EPG5: variants seen among roughly 807,000 people sequenced by gnomAD.
EPG5 encodes the protein ectopic P-granules 5 autophagy tethering factor, also known as ectopic P granules protein 5 homolog.
Under a neutral mutation model 302.7 loss-of-function variants are expected in EPG5, and 159 were observed. That is an observed-to-expected ratio of 0.53 (90% CI 0.46 to 0.60). The LOEUF (loss-of-function observed/expected upper bound fraction) is 0.60, where lower values mean the gene tolerates loss of function less well. Ranked by LOEUF, EPG5 falls within the 20% of genes least tolerant of loss-of-function variation. The pLI is 0.00. For missense variants in EPG5, 2,896 were observed against 3,092.4 expected (o/e 0.94, Z 1.51); for synonymous variants, 1,158 against 1,136.8 (o/e 1.02, Z -0.37).
the EPG5 span, chr18:45,842,079 G>C: frequency 6.2e-7 from 1 of 1,610,938 alleles, no homozygotes; most frequent in Non-Finnish European, 8.5e-7. Context: ...CTGTTTGGAT[G>C]ATCATTCAAC....
chr18:45,946,677 C>T lies in EPG5; in HGVS notation c.1663G>A (p.Glu555Lys), dbSNP rs1229414685. ...PGSGTWTLVD[E>K]GGEEDEDPET... ...TGACAAGTTACCTCTTCTCCTCCTTCGTCTACTAGCGTCCAAGTCCCAGAC... is the reference window on the plus strand; with the variant it reads ...TGACAAGTTACCTCTTCTCCTCCTTTGTCTACTAGCGTCCAAGTCCCAGAC... The change falls in exon 7 of 44, where the codon GAA becomes AAA. Residue 555 changes from glutamate to lysine, a missense_variant. Physicochemically the swap from Glu to Lys is moderately conservative, Grantham distance 56. This residue lies in a region of EPG5 where 1,390 missense variants were observed against 1,430.0 expected (regional missense o/e 0.97). Coordinates refer to ENST00000282041, the MANE Select transcript of EPG5 (RefSeq NM_020964.3). The T allele has an allele frequency of 5.0e-6, 8 of 1,613,628 alleles. No homozygotes were observed. Among genetic ancestry groups the T allele is most frequent in the African/African-American group, 1.3e-5 (1 of 75,038 alleles).
rs199832672 is a variant in EPG5, at chr18:45,899,443, G to A, written c.4770C>T (p.Ser1590=). 41 of 1,613,926 alleles carry A rather than the reference G, an allele frequency of 2.5e-5. No individual in the cohort carries two copies. The East Asian group carries it at 4.0e-4, about 16-fold the overall frequency. The change falls in exon 27 of 44, where the codon AGC becomes AGT. Residue 1590 remains serine, a synonymous_variant. Transcript: ENST00000282041. ...TTLHLECRGS[S]GKKCQGAAVV... ...CTGCGGCTCCTTGGCATTTCTTACC[G>A]CTGCTGCCTCTGCACTCCAAATGTA...
At chr18:45,942,534 C>T (rs1379790555) in intron 9 of EPG5, among the ~76,000 whole-genome samples, 2 of 151,968 alleles carry the variant, frequency 1.3e-5, no homozygotes, top group African/African-American at 2.4e-5. Context: ...ACCCAGGAGG[C>T]GTGGGCTGCA....
the EPG5 span, among the ~76,000 whole-genome samples, chr18:45,838,356 C>A: frequency 1.3e-5 from 2 of 152,178 alleles, no homozygotes; most frequent in Non-Finnish European, 2.9e-5. Context: ...GAACCAGGGT[C>A]CCGTCCCTAG....
rs531434592 is a variant in EPG5 at position 45,927,962 on chromosome 18, G to C, written c.2553+907C>G. Among the ~76,000 whole-genome samples the C allele has an allele frequency of 1.6e-4, 25 of 152,262 alleles. No individual in the cohort carries two copies. The South Asian group carries it at 5.0e-3, about 30-fold the overall frequency. ...TAATCCCAGCACTTTGGGAGACCGAGGTGGGTGGATCACCTGAGGTTAGGA... is the reference window on the plus strand; with the variant it reads ...TAATCCCAGCACTTTGGGAGACCGACGTGGGTGGATCACCTGAGGTTAGGA... On this transcript the variant is annotated intron_variant, in intron 13 of 43. Coordinates refer to ENST00000282041, the MANE Select transcript of EPG5 (RefSeq NM_020964.3).
intron 29 of EPG5, 144 bp downstream of exon 29, chr18:45,887,607 G>T: frequency 1.8e-6 from 1 of 561,068 alleles, no homozygotes; most frequent in Non-Finnish European, 2.8e-6. Flanking sequence ...ATTTTGAGAA[G>T]CCTACAACTC....
At chr18:45,864,181 T>C (rs1312586659) in intron 39 of EPG5, among the ~76,000 whole-genome samples, 1 of 152,144 alleles carries the variant, frequency 6.6e-6, no homozygotes, top group Non-Finnish European at 1.5e-5. Context: ...GACACAATCA[T>C]TGCACACTGT....
intron 35 of EPG5, among the ~76,000 whole-genome samples, chr18:45,874,657 C>T (rs904537454): frequency 2.6e-5 from 4 of 152,146 alleles, no homozygotes; most frequent in African/African-American, 9.7e-5. Flanking sequence ...TGAGGGAAAC[C>T]GCCCCCATGA....
intron 2 of EPG5, chr18:45,953,695 T>C: frequency 1.0e-6 from 1 of 985,366 alleles, no homozygotes; most frequent in Non-Finnish European, 1.2e-6. Flanking sequence ...GGGGGCTCTG[T>C]GTTACACATC....
intron 27 of EPG5, among the ~76,000 whole-genome samples, chr18:45,893,357 G>C (rs1231430030): frequency 1.3e-5 from 2 of 152,040 alleles, no homozygotes; most frequent in Non-Finnish European, 2.9e-5. Context: ...TTGAGGTCAG[G>C]AGGTCAAGAC....
intron 30 of EPG5, among the ~76,000 whole-genome samples, chr18:45,884,140 C>G (rs914647738): frequency 6.6e-6 from 1 of 151,980 alleles, no homozygotes; most frequent in African/African-American, 2.4e-5. Context: ...GGAATTAGGT[C>G]CTTTTTACAC....
chr18:45,901,092 G>A lies in EPG5; in HGVS notation c.4550C>T (p.Pro1517Leu), dbSNP rs775178422. The part of the protein sequence containing the change: ...QPPLALHPTK[P>L]PVPVISSAVL... Reference sequence around the variant, plus strand: ...AGCAGAGGAAATAACTGGCACAGGAGGCTTCGTCGGGTGCAGAGCAAGGGG... The same window carrying A: ...AGCAGAGGAAATAACTGGCACAGGAAGCTTCGTCGGGTGCAGAGCAAGGGG... The change falls in exon 26 of 44, where the codon CCT becomes CTT. Residue 1517 changes from proline (P) to leucine (L), a missense_variant. Pro to Leu is a moderately conservative substitution (Grantham distance 98). Transcript: ENST00000282041. 5.0e-6 allele frequency: 8 copies of A among 1,614,218 alleles called. No homozygotes were observed. The South Asian group carries it at 7.7e-5, about 16-fold the overall frequency.
Position 45,904,021 on chromosome 18 carries a change from T to G in EPG5, c.4426A>C (p.Thr1476Pro). ...WTQAKLESHS[T>P]PCSLSVQLDF... ...AGCTGCACGGACAAACTGCAGGGTG[T>G]GGAATGGGACTCAAGCTTGGCCTGT... Residue 1476 changes from threonine (T) to proline (P), a missense_variant, in exon 25 of 44, where the codon ACA (threonine) becomes CCA (proline). Thr to Pro is a conservative substitution (Grantham distance 38). Around this residue, in one of 5 missense-constraint regions of EPG5, gnomAD observed 790 missense variants for 798.0 expected, o/e 0.99. Coordinates refer to ENST00000282041, the MANE Select transcript of EPG5 (RefSeq NM_020964.3). 1 of 1,612,904 alleles carries G rather than the reference T, an allele frequency of 6.2e-7. No individual in the cohort carries two copies.
At chr18:45,820,172 G>A in the EPG5 span, among the ~76,000 whole-genome samples, 1 of 152,150 alleles carries the variant, frequency 6.6e-6, no homozygotes, top group African/African-American at 2.4e-5. Context: ...GAGAAGAGAA[G>A]GCATGGAGAA....
chr18:45,905,007 C>T (rs1392195691), intron 24 of EPG5, among the ~76,000 whole-genome samples: 1 of 152,088 alleles, frequency 6.6e-6, no homozygotes, highest in Non-Finnish European at 1.5e-5. Context: ...ATACTGCTCT[C>T]CCTATTTTCC....
chr18:45,818,606 A>T, the EPG5 span, among the ~76,000 whole-genome samples: 1 of 152,178 alleles, frequency 6.6e-6, no homozygotes, highest in Non-Finnish European at 1.5e-5. Flanking sequence ...CTTTTCTGTG[A>T]ACTATCCTGT....
intron 27 of EPG5, among the ~76,000 whole-genome samples, chr18:45,890,900 T>C (rs1294395918): frequency 2.0e-5 from 3 of 152,100 alleles, no homozygotes; most frequent in African/African-American, 7.2e-5. Flanking sequence ...GAGAGCCCTC[T>C]TGGAGAGGCT....
At chr18:45,815,526 A>G in the EPG5 span, among the ~76,000 whole-genome samples, 2 of 152,314 alleles carry the variant, frequency 1.3e-5, no homozygotes, top group Non-Finnish European at 2.9e-5. Context: ...TCAAGAACTC[A>G]ACCCTTTCAC....
At chr18:45,940,386 C>G (rs1394927150) in intron 9 of EPG5, among the ~76,000 whole-genome samples, 1 of 152,108 alleles carries the variant, frequency 6.6e-6, no homozygotes, top group African/African-American at 2.4e-5. Context: ...CCTGGGCAGA[C>G]AGTGAATGGG....
Sources: allele counts gnomAD v4.1 joint callset (sites outside exome capture counted in the v4.1 genomes callset), GRCh38; gene constraint gnomAD v4.1.1; regional missense constraint gnomAD v4.1.1; transcripts MANE v1.5; gene names NCBI Gene and HGNC (gene_info 2026-07-23, HGNC 2026-07-21).